The following SVOPL variants were observed in gnomAD, a reference collection of about 807,000 sequenced individuals.
The protein encoded by SVOPL is SVOP like, also known as putative transporter SVOPL.
Under a neutral mutation model 61.0 loss-of-function variants are expected in SVOPL, and 60 were observed. That is an observed-to-expected ratio of 0.98 (90% CI 0.80 to 1.22). SVOPL has a LOEUF of 1.22. SVOPL is among the 50% of genes most tolerant of loss of function. The pLI is 0.00. For synonymous variants in SVOPL, 279 were observed against 250.0 expected, an observed-to-expected ratio of 1.12 and a Z score of -1.09; for missense variants, 662 against 643.9, an observed-to-expected ratio of 1.03 and a Z score of -0.30.
intron 1 of SVOPL, among the ~76,000 whole-genome samples, chr7:138,683,785 G>A (rs1165425770): frequency 6.6e-6 from 1 of 152,040 alleles, no homozygotes; most frequent in Non-Finnish European, 1.5e-5. Flanking sequence ...CGGGCACAAT[G>A]GCTCATGTCT....
At chr7:138,621,232 A>G in intron 13 of SVOPL, 97 bp from the exon 14 acceptor site, 13 of 881,988 alleles carry the variant, frequency 1.5e-5, no homozygotes, top group Non-Finnish European at 2.2e-5. Flanking sequence ...TTTGGAATGC[A>G]TAGAGCACCA....
At chr7:138,662,099 ACTCT>A in intron 5 of SVOPL, 1 of 984,942 alleles carries the variant, frequency 1.0e-6, no homozygotes, top group African/African-American at 1.7e-5. Context: ...TTCTTTATAA[ACTCT>A]CTCATTTAAG....
At chr7:138,697,178 C>T (rs975049913) in intron 1 of SVOPL, among the ~76,000 whole-genome samples, 2 of 152,008 alleles carry the variant, frequency 1.3e-5, no homozygotes, top group Non-Finnish European at 2.9e-5. Flanking sequence ...TGAGACCAGC[C>T]TAGGCAACAG....
chr7:138,606,777 AAC>A (rs1263798460), intron 14 of SVOPL, among the ~76,000 whole-genome samples: 1 of 152,088 alleles, frequency 6.6e-6, no homozygotes, highest in Non-Finnish European at 1.5e-5. Context: ...AACATGGTGA[AAC>A]CCCATCTTTA....
At chr7:138,648,533 C>CAAAA (rs61171485) in intron 8 of SVOPL, among the ~76,000 whole-genome samples, 1 of 73,780 alleles carries the variant, frequency 1.4e-5, no homozygotes, top group African/African-American at 4.2e-5. Context: ...ACTAAAAATC[C>CAAAA]AAAAAAAAAA....
chr7:138,674,924 G>T (rs1259817497), intron 3 of SVOPL, among the ~76,000 whole-genome samples: 1 of 151,930 alleles, frequency 6.6e-6, no homozygotes, highest in Non-Finnish European at 1.5e-5. Flanking sequence ...CTGGGTGAAG[G>T]TGGAGGAGAG....
intron 3 of SVOPL, among the ~76,000 whole-genome samples, chr7:138,675,610 C>T (rs1802539767): frequency 1.3e-5 from 2 of 152,154 alleles, no homozygotes; most frequent in South Asian, 4.1e-4. Context: ...CCCGCCTTGG[C>T]CTCCCAAAGT....
At chr7:138,663,226 G>C in intron 4 of SVOPL, 81 bp from the exon 5 acceptor site, 1 of 1,559,346 alleles carries the variant, frequency 6.4e-7, no homozygotes, top group Non-Finnish European at 8.7e-7. Context: ...TTCACTAGAA[G>C]TAGGCTGGAA....
intron 1 of SVOPL, among the ~76,000 whole-genome samples, chr7:138,698,526 A>G (rs1041955064): frequency 1.3e-5 from 2 of 152,168 alleles, no homozygotes; most frequent in Non-Finnish European, 2.9e-5. Context: ...ATAAGACAGG[A>G]ACAGCCTGGA....
chr7:138,671,164 G>T (rs1802405985), intron 4 of SVOPL, among the ~76,000 whole-genome samples: 1 of 152,108 alleles, frequency 6.6e-6, no homozygotes, highest in Non-Finnish European at 1.5e-5. Context: ...TGCTCAGCAG[G>T]TGGGGTGCTT....
intron 7 of SVOPL, among the ~76,000 whole-genome samples, chr7:138,651,043 G>A (rs148217383): frequency 6.6e-6 from 1 of 151,588 alleles, no homozygotes; most frequent in East Asian, 2.0e-4. Flanking sequence ...GCAGGGGCCT[G>A]AGGAGGGATT....
At chr7:138,698,250 C>A (rs976104284) in intron 1 of SVOPL, among the ~76,000 whole-genome samples, 14 of 152,158 alleles carry the variant, frequency 9.2e-5, no homozygotes, top group African/African-American at 3.1e-4. Context: ...ATTTCCTCAT[C>A]TGGGAATAAA....
intron 9 of SVOPL, among the ~76,000 whole-genome samples, chr7:138,631,960 T>TCTCACACACACACACACACACACACACA (rs935815206): frequency 9.7e-4 from 143 of 147,060 alleles, no homozygotes; most frequent in African/African-American, 3.6e-3. Flanking sequence ...TGCTCTGATA[T>TCTCACACACACACACACACACACACACA]CACACACACA....
chr7:138,688,909 T>C, intron 1 of SVOPL: 1 of 461,694 alleles, frequency 2.2e-6, no homozygotes, highest in South Asian at 1.9e-5. Flanking sequence ...ATTAGGATCA[T>C]TGCAGATGTA....
intron 3 of SVOPL, 52 bp from the exon 4 acceptor site, chr7:138,672,169 T>A: frequency 6.7e-7 from 1 of 1,482,148 alleles, no homozygotes; most frequent in Non-Finnish European, 9.2e-7. Context: ...TGTCATCACT[T>A]CTTCTCATAT....
At chr7:138,614,452 A>T (rs568306154) in intron 14 of SVOPL, among the ~76,000 whole-genome samples, 77 of 149,926 alleles carry the variant, frequency 5.1e-4, no homozygotes, top group Non-Finnish European at 7.4e-4. Context: ...CTGGAGTGCA[A>T]TGGCGCGATC....
At chr7:138,686,328 CG>C (rs1196445620) in intron 1 of SVOPL, among the ~76,000 whole-genome samples, 4 of 140,450 alleles carry the variant, frequency 2.8e-5, no homozygotes, top group South Asian at 2.4e-4. Context: ...GCTTGAACCC[CG>C]GGGGGGGCGG....
intron 10 of SVOPL, among the ~76,000 whole-genome samples, chr7:138,629,075 A>AT (rs1417285455): frequency 7.0e-6 from 1 of 142,098 alleles, no homozygotes; most frequent in African/African-American, 2.9e-5. Context: ...AAACTGGGTT[A>AT]TTTTTTCCTG....
intron 14 of SVOPL, among the ~76,000 whole-genome samples, chr7:138,619,203 T>G (rs945798878): frequency 1.3e-5 from 2 of 151,840 alleles, no homozygotes; most frequent in Non-Finnish European, 2.9e-5. Context: ...AACCCAGAAG[T>G]TGGAGGCCAG....
Sources: allele counts gnomAD v4.1 joint callset (sites outside exome capture counted in the v4.1 genomes callset), GRCh38; gene constraint gnomAD v4.1.1; transcripts MANE v1.5; gene names NCBI Gene and HGNC (gene_info 2026-07-23, HGNC 2026-07-21).